Variants in MXRA5 observed in about 807,000 individuals in gnomAD.
MXRA5 encodes matrix-remodeling-associated protein 5.
In MXRA5, 41 loss-of-function variants were observed where a neutral mutation model predicts 112.5. The observed-to-expected ratio is 0.36, with a 90% CI of 0.28 to 0.47. The LOEUF is 0.47. MXRA5 is among the 20% of genes least tolerant of loss of function. The probability of loss-of-function intolerance (pLI) is 0.99; values close to 1 mark genes in which losing one functional copy is unlikely to be tolerated. For synonymous variants in MXRA5, 862 were observed against 900.8 expected, an observed-to-expected ratio of 0.96 and a Z score of 0.77; for missense variants, 2,150 against 2,251.0, an observed-to-expected ratio of 0.96 and a Z score of 0.91.
At chrX:3,332,399 C>T (rs5983125) in intron 2 of MXRA5, among the ~76,000 whole-genome samples, 19,822 of 110,332 alleles carry the variant, frequency 0.18, 2,332 homozygotes, top group African/African-American at 0.42. Context: ...CGCCCGCCAC[C>T]GCGCCCGGCT....
Position 3,330,774 on chromosome X carries a change from C to G in MXRA5, c.189-1G>C. The G allele has an allele frequency of 8.9e-7, 1 of 1,122,935 alleles. No individual in the cohort carries two copies. The highest frequency in any genetic ancestry group is 1.2e-6 in the Non-Finnish European group (1 of 834,204). The allele number at this position is 1,122,935 out of a possible 1,213,427, so 92.5% of individuals were successfully genotyped here. ...TGACAGGGCCTGTATGCTATTAAACCTAAAGAATGGTAATAATAATAATAA... is the reference window on the plus strand; with the variant it reads ...TGACAGGGCCTGTATGCTATTAAACGTAAAGAATGGTAATAATAATAATAA... On this transcript the variant is annotated splice_acceptor_variant, in intron 2 of 6. Coordinates refer to ENST00000217939, the MANE Select transcript of MXRA5 (RefSeq NM_015419.4). LOFTEE classifies it high-confidence loss of function.
At chrX:3,315,417 A>G (rs1403742939) in intron 6 of MXRA5, among the ~76,000 whole-genome samples, 2 of 62,653 alleles carry the variant, frequency 3.2e-5, no homozygotes, top group South Asian at 1.4e-3. Flanking sequence ...AGATAGATAG[A>G]TAGAACCTTT....
In MXRA5 at chrX:3,329,350, A is replaced by G. The variant is rs6642205; in HGVS notation, c.709+668T>C. 7.1e-4 allele frequency among the ~76,000 whole-genome samples: 28 copies of G among 39,417 alleles called. 1 individual carries two copies. Among genetic ancestry groups the G allele is most frequent in the Admixed American group, 3.0e-3 (12 of 4,020 alleles). 34.2% of individuals were successfully genotyped at this position (39,417 alleles called of 115,157 possible). On this transcript the variant is annotated intron_variant, in intron 4 of 6. Transcript: ENST00000217939. ...AAGGAAGGAGAGAAGGAAGAAAGGA[A>G]AGAAGGAGGGAAGGAAAGAAGGAGG... is the stretch of plus-strand genomic sequence containing the variant.
intron 2 of MXRA5, among the ~76,000 whole-genome samples, chrX:3,341,609 A>G (rs1191553262): frequency 1.8e-5 from 1 of 56,796 alleles, no homozygotes; most frequent in East Asian, 5.3e-4. Context: ...TATATATAAT[A>G]TATATAATAT....
chrX:3,341,127 AATATATT>A lies in MXRA5; in HGVS notation c.188+2512_188+2518del, dbSNP rs1350530069. The stretch of plus-strand genomic sequence containing the variant: ...TAATATAATATAATATATTATACAT[AATATATT>A]ATATATTATACATATATTATATATT... On this transcript the variant is annotated intron_variant, in intron 2 of 6. Transcript: ENST00000217939. 1.2e-4 allele frequency among the ~76,000 whole-genome samples: 7 copies of A among 58,231 alleles called. 1 individual carries two copies. The East Asian group carries it at 1.6e-3, about 13-fold the overall frequency. The allele number at this position is 58,231 out of a possible 115,157, so 50.6% of individuals were successfully genotyped here. A position where few individuals can be genotyped will look rare whatever the true frequency, so the allele number is the denominator to read the frequency against.
At chrX:3,315,149 C>T (rs1239727451) in intron 6 of MXRA5, among the ~76,000 whole-genome samples, 3 of 107,424 alleles carry the variant, frequency 2.8e-5, no homozygotes, top group East Asian at 3.0e-4. Context: ...AGCAGCATCC[C>T]GGGGCTGCAG....
In MXRA5 at chrX:3,309,974, G is replaced by A; in HGVS notation, c.8229C>T (p.Ile2743=). ...TCACGGTGTTCCCGGGCCGGGTGTA[G>A]ATGACCGGGGTGGGCTCGCTGGTGA... The part of the protein sequence containing the change: ...PRITSEPTPV[I]YTRPGNTVKL... Residue 2743 remains isoleucine, a synonymous_variant, in exon 7 of 7, where the codon ATC becomes ATT. Coordinates refer to ENST00000217939, the MANE Select transcript of MXRA5 (RefSeq NM_015419.4). 8.3e-7 allele frequency: 1 copy of A among 1,211,556 alleles called. No homozygotes were observed. The highest frequency in any genetic ancestry group is 1.1e-6 in the Non-Finnish European group (1 of 895,399).
chrX:3,317,243 C>G lies in MXRA5; in HGVS notation c.6438G>C (p.Ala2146=). Residue 2146 remains alanine, a synonymous_variant, in exon 6 of 7, where the codon GCG becomes GCC. Coordinates refer to ENST00000217939, the MANE Select transcript of MXRA5 (RefSeq NM_015419.4). ...TCCGCGGGGAGGTGCCCGTGATGCG[C>G]GCGTTGGCTGCTGCACGCTGCACGT... ...QLNVQRAAAN[A]RITGTSPRRT... is the part of the protein sequence containing the mutation. 1 of 1,211,049 alleles carries G rather than the reference C, an allele frequency of 8.3e-7. No individual in the cohort carries two copies. Among genetic ancestry groups the G allele is most frequent in the Non-Finnish European group, 1.1e-6 (1 of 895,248 alleles).
At chrX:3,341,099 A>G (rs1270902728) in intron 2 of MXRA5, among the ~76,000 whole-genome samples, 2,374 of 43,452 alleles carry the variant, frequency 0.055, no homozygotes, top group Non-Finnish European at 0.082. Flanking sequence ...AATATGTTAT[A>G]CATAATATAA....
chrX:3,330,470 C>T, intron 3 of MXRA5, 62 bp from the exon 4 acceptor site: 1 of 1,129,201 alleles, frequency 8.9e-7, no homozygotes, highest in South Asian at 2.2e-5. Flanking sequence ...TAAAAAGCCA[C>T]AACCACAAAC....
intron 1 of MXRA5, among the ~76,000 whole-genome samples, chrX:3,345,648 C>T (rs1271567008): frequency 8.8e-6 from 1 of 112,996 alleles, no homozygotes; most frequent in East Asian, 2.8e-4. Flanking sequence ...AGAAAGCGGC[C>T]TGGCGCCAGC....
At chrX:3,325,944 T>TATAATTTTAAATCATA (rs1921467046) in intron 4 of MXRA5, among the ~76,000 whole-genome samples, 1 of 92,446 alleles carries the variant, frequency 1.1e-5, no homozygotes. Context: ...TTTATAATTG[T>TATAATTTTAAATCATA]AATTTATAAT....
rs140695513 is a variant in MXRA5 at position 3,320,074 on chromosome X, T to C, written c.5611A>G (p.Thr1871Ala). The C allele has an allele frequency of 1.4e-3, 1,742 of 1,209,445 alleles. 3 individuals are homozygous for C. The highest frequency in any genetic ancestry group is 1.7e-3 in the Non-Finnish European group (1,566 of 895,052). The change falls in exon 5 of 7, where the codon ACT (threonine) becomes GCT (alanine). Residue 1871 changes from threonine to alanine, a missense_variant. Thr to Ala is a moderately conservative substitution (Grantham distance 58). Coordinates refer to ENST00000217939, the MANE Select transcript of MXRA5 (RefSeq NM_015419.4). ...QTVSVTAETD[T>A]VFPCEATGKP... ...CCTGTTGCCTCACAGGGGAACACAGTGTCTGTCTCAGCGGTGACGGACACA... is the reference window on the plus strand; with the variant it reads ...CCTGTTGCCTCACAGGGGAACACAGCGTCTGTCTCAGCGGTGACGGACACA...
chrX:3,330,566 G>A (rs772022631), intron 3 of MXRA5, 78 bp downstream of exon 3: 204 of 1,154,774 alleles, frequency 1.8e-4, no homozygotes, highest in African/African-American at 4.2e-4. Flanking sequence ...TCATTAAGGA[G>A]AATGACATAA....
At chrX:3,341,241 A>ATT (rs1921947118) in intron 2 of MXRA5, among the ~76,000 whole-genome samples, 2 of 49,048 alleles carry the variant, frequency 4.1e-5, no homozygotes, top group African/African-American at 1.5e-4. Context: ...TAATTATATA[A>ATT]TTATATATAT....
chrX:3,310,217 G>T lies in MXRA5; in HGVS notation c.7986C>A (p.Pro2662=). 3.1e-5 allele frequency: 38 copies of T among 1,211,882 alleles called. 1 individual carries two copies. Among genetic ancestry groups the T allele is most frequent in the Non-Finnish European group, 4.2e-5 (38 of 895,481 alleles). ...GETLKLPCTP[P]GAGQGRFSWT... ...AGGAGAAACGTCCCTGCCCAGCCCCGGGAGGGGTGCAGGGGAGCTTCAGGG... is the reference window on the plus strand; with the variant it reads ...AGGAGAAACGTCCCTGCCCAGCCCCTGGAGGGGTGCAGGGGAGCTTCAGGG... The change falls in exon 7 of 7, where the codon CCC becomes CCA. Residue 2662 remains proline (P), a synonymous_variant. Transcript: ENST00000217939.
chrX:3,326,051 A>G (rs1921479722), intron 4 of MXRA5, among the ~76,000 whole-genome samples: 1 of 71,926 alleles, frequency 1.4e-5, no homozygotes, highest in African/African-American at 5.7e-5. Context: ...ATATAAATAT[A>G]TTTATATATA....
intron 2 of MXRA5, 39 bp downstream of exon 2, chrX:3,343,607 A>G: frequency 8.6e-7 from 1 of 1,164,838 alleles, no homozygotes; most frequent in Non-Finnish European, 1.2e-6. Context: ...AGACGCACGC[A>G]CTGACAGTGG....
At position 3,321,206 on chromosome X, in the gene MXRA5, G is replaced by A. The variant is rs1173956154; in HGVS notation, c.4479C>T (p.Ser1493=). The A allele has an allele frequency of 4.1e-6, 5 of 1,209,709 alleles. No homozygotes were observed. Among genetic ancestry groups the A allele is most frequent in the Non-Finnish European group, 5.6e-6 (5 of 894,982 alleles). ...ACATGAGAATTGTGGATGGGGACGA[G>A]GATGCTGGCTCCTTCATCCGGGCAG... ...PTAARMKEPA[S]SSPSTILMSL... Residue 1493 remains serine (S), a synonymous_variant, in exon 5 of 7, where the codon TCC becomes TCT. Coordinates refer to ENST00000217939, the MANE Select transcript of MXRA5 (RefSeq NM_015419.4).
Sources: allele counts gnomAD v4.1 joint callset (sites outside exome capture counted in the v4.1 genomes callset), GRCh38; gene constraint gnomAD v4.1.1; transcripts MANE v1.5; gene names NCBI Gene and HGNC (gene_info 2026-07-23, HGNC 2026-07-21).